CSMD1: variants seen among roughly 807,000 people sequenced by gnomAD.
CSMD1 encodes CUB and Sushi multiple domains 1.
A neutral mutation model predicts 417.5 loss-of-function variants in CSMD1; 213 were observed. The ratio of observed to expected loss-of-function variants is 0.51; its 90% CI spans 0.46 to 0.57. The LOEUF (loss-of-function observed/expected upper bound fraction) is 0.57, where lower values mean the gene tolerates loss of function less well. CSMD1 is among the 20% of genes least tolerant of loss of function. CSMD1 has a pLI of 0.00. For synonymous variants in CSMD1, 2,862 were observed against 1,736.8 expected, an observed-to-expected ratio of 1.65 and a Z score of -16.11; for missense variants, 6,923 against 4,529.7, an observed-to-expected ratio of 1.53 and a Z score of -15.17.
chr8:3,330,969 T>C (rs1021311664), intron 23 of CSMD1, among the ~76,000 whole-genome samples: 49 of 152,152 alleles, frequency 3.2e-4, no homozygotes, highest in African/African-American at 1.1e-3. Context: ...AAAGCAACAG[T>C]GCCGGGCGCG....
intron 1 of CSMD1, among the ~76,000 whole-genome samples, chr8:4,897,236 G>A (rs111828272): frequency 5.7e-4 from 87 of 152,138 alleles, no homozygotes; most frequent in Non-Finnish European, 8.5e-4. Context: ...TGTTTCTACT[G>A]TGTCAAAATC....
chr8:3,189,787 A>G (rs1241324271), intron 34 of CSMD1, 125 bp downstream of exon 34: 8 of 812,542 alleles, frequency 9.8e-6, no homozygotes, highest in Admixed American at 8.4e-5. Context: ...TTCCCATGAA[A>G]CAAACTGCCC....
chr8:4,343,778 A>G (rs1800621752), intron 3 of CSMD1, among the ~76,000 whole-genome samples: 1 of 151,992 alleles, frequency 6.6e-6, no homozygotes, highest in African/African-American at 2.4e-5. Context: ...TTCTCATCCT[A>G]CACGTTCCGT....
At chr8:3,314,711 A>G (rs552115360) in intron 23 of CSMD1, among the ~76,000 whole-genome samples, 1 of 152,212 alleles carries the variant, frequency 6.6e-6, no homozygotes, top group Non-Finnish European at 1.5e-5. Flanking sequence ...ATGTTGCATG[A>G]ATTACGCAGT....
intron 10 of CSMD1, among the ~76,000 whole-genome samples, chr8:3,514,149 C>A (rs1430112791): frequency 6.6e-6 from 1 of 152,190 alleles, no homozygotes; most frequent in Non-Finnish European, 1.5e-5. Flanking sequence ...TCACTTCTGT[C>A]TCCCAGGAAG....
At chr8:3,347,967 T>A (rs764705228) in intron 22 of CSMD1, 25 bp downstream of exon 22, 6 of 1,520,186 alleles carry the variant, frequency 3.9e-6, no homozygotes. Flanking sequence ...CTTGGAGTCA[T>A]CATGTTGGAG....
intron 17 of CSMD1, among the ~76,000 whole-genome samples, chr8:3,388,250 C>T (rs954390848): frequency 3.9e-5 from 6 of 152,146 alleles, no homozygotes; most frequent in Non-Finnish European, 7.4e-5. Context: ...CAGCCACTTG[C>T]AAGATAGCTA....
At chr8:4,459,668 C>G (rs1163111697) in intron 2 of CSMD1, among the ~76,000 whole-genome samples, 1 of 152,122 alleles carries the variant, frequency 6.6e-6, no homozygotes, top group Admixed American at 6.5e-5. Flanking sequence ...ATATCTCCTG[C>G]AAAGAAGTGT....
At chr8:3,935,598 T>C (rs1310837052) in intron 5 of CSMD1, among the ~76,000 whole-genome samples, 3 of 152,180 alleles carry the variant, frequency 2.0e-5, no homozygotes, top group Non-Finnish European at 4.4e-5. Flanking sequence ...CAGTAATTTT[T>C]GTTGTAACTA....
intron 2 of CSMD1, among the ~76,000 whole-genome samples, chr8:4,424,804 C>T (rs570378841): frequency 2.6e-5 from 4 of 152,096 alleles, no homozygotes; most frequent in African/African-American, 9.6e-5. Context: ...ATTATTATAC[C>T]ATAGTTTTGC....
chr8:3,307,604 C>T (rs1804976638), intron 25 of CSMD1, 91 bp downstream of exon 25: 1 of 1,375,838 alleles, frequency 7.3e-7, no homozygotes, highest in Non-Finnish European at 9.9e-7. Flanking sequence ...GAAACTTTAA[C>T]CATGGATATT....
chr8:4,824,525 G>A (rs1289916228), intron 1 of CSMD1, among the ~76,000 whole-genome samples: 2 of 152,058 alleles, frequency 1.3e-5, no homozygotes, highest in African/African-American at 4.8e-5. Context: ...AATATTTTGG[G>A]AATACAAGAA....
At chr8:4,703,569 A>G (rs1807724412) in intron 1 of CSMD1, among the ~76,000 whole-genome samples, 1 of 152,234 alleles carries the variant, frequency 6.6e-6, no homozygotes, top group South Asian at 2.1e-4. Context: ...CAGTATAATT[A>G]TGAAAAGTAA....
At chr8:4,285,836 C>G (rs1382769560) in intron 3 of CSMD1, among the ~76,000 whole-genome samples, 3 of 152,162 alleles carry the variant, frequency 2.0e-5, no homozygotes, top group Non-Finnish European at 4.4e-5. Flanking sequence ...GTGTCCTTGG[C>G]TATTTTAATC....
At position 3,230,142 on chromosome 8, in the gene CSMD1, A is replaced by T. The variant is rs376676640; in HGVS notation, c.4243T>A (p.Phe1415Ile). ...DSREAGDTVT[F>I]QCDPGYQLQG... ...AGCTGATAGCCAGGGTCACACTGGA[A>T]TGTGACGGTGTCTCCAGCCTCTCTG... The change falls in exon 27 of 70, where the codon TTC becomes ATC. Residue 1415 changes from phenylalanine to isoleucine, a missense_variant. Coordinates refer to ENST00000635120, the MANE Select transcript of CSMD1 (RefSeq NM_033225.6). The T allele has an allele frequency of 1.4e-4, 229 of 1,613,458 alleles. No individual in the cohort carries two copies. Among genetic ancestry groups the T allele is most frequent in the Non-Finnish European group, 1.8e-4 (211 of 1,179,614 alleles).
At chr8:4,761,315 A>T (rs938429883) in intron 1 of CSMD1, among the ~76,000 whole-genome samples, 3 of 152,058 alleles carry the variant, frequency 2.0e-5, no homozygotes, top group Non-Finnish European at 4.4e-5. Flanking sequence ...CAACTAATGG[A>T]AACAAAATGT....
At chr8:4,840,103 CACTT>C (rs1800750996) in intron 1 of CSMD1, among the ~76,000 whole-genome samples, 1 of 33,882 alleles carries the variant, frequency 3.0e-5, no homozygotes, top group Non-Finnish European at 8.1e-5. Flanking sequence ...CCTGTCCACT[CACTT>C]AGACTCCACG....
At chr8:3,226,930 G>A (rs1401831240) in intron 27 of CSMD1, among the ~76,000 whole-genome samples, 3 of 150,964 alleles carry the variant, frequency 2.0e-5, no homozygotes, top group Non-Finnish European at 2.9e-5. Context: ...CAGCCAATAA[G>A]CATATGAAAA....
intron 1 of CSMD1, among the ~76,000 whole-genome samples, chr8:4,953,423 CATTAAG>C (rs1357873748): frequency 6.6e-6 from 1 of 152,090 alleles, no homozygotes; most frequent in Non-Finnish European, 1.5e-5. Flanking sequence ...CAAATAAAAT[CATTAAG>C]ATTAACACTA....
Sources: gnomAD v4.1 joint callset for allele counts (sites outside exome capture counted in the v4.1 genomes callset) on GRCh38, gnomAD v4.1.1 for gene constraint, MANE v1.5 for transcripts, NCBI Gene and HGNC (gene_info 2026-07-23, HGNC 2026-07-21) for gene names.